The following GLYATL2 variants were observed in gnomAD, a reference collection of about 807,000 sequenced individuals.
The protein encoded by GLYATL2 is glycine-N-acyltransferase like 2.
GLYATL2 carries 25 observed loss-of-function variants against 21.4 expected under a neutral mutation model. The ratio of observed to expected loss-of-function variants is 1.17; its 90% CI spans 0.85 to 1.63. The LOEUF is 1.63. Among genes scored for constraint, GLYATL2 ranks in the 40% most tolerant of loss-of-function variants. The pLI is 0.00. For synonymous variants in GLYATL2, 114 were observed against 118.2 expected, an observed-to-expected ratio of 0.96 and a Z score of 0.23; for missense variants, 361 against 343.3, an observed-to-expected ratio of 1.05 and a Z score of -0.41.
chr11:58,869,616 A>T (rs1854082172), intron 1 of GLYATL2, among the ~76,000 whole-genome samples: 1 of 152,228 alleles, frequency 6.6e-6, no homozygotes, highest in African/African-American at 2.4e-5. Flanking sequence ...AGATGTGTTT[A>T]TGTGTATGCA....
chr11:58,873,547 G>A (rs531524546), intron 1 of GLYATL2, among the ~76,000 whole-genome samples: 87 of 152,244 alleles, frequency 5.7e-4, no homozygotes, highest in African/African-American at 1.9e-3. Context: ...AGATAATCAT[G>A]TGATTTTTGT....
In GLYATL2 at chr11:58,854,190, A is replaced by G. The variant is rs147508143; in HGVS notation, n.61-15822T>C. Among the ~76,000 whole-genome samples the G allele has an allele frequency of 1.8e-4, 27 of 152,260 alleles. No individual in the cohort carries two copies. In the East Asian group the frequency reaches 4.4e-3, roughly 25 times the overall value. ...ATTGTGCATATATACCACATTTTTA[A>G]TGTTCATTAATCTGTTGATAGACAC... On this transcript the variant is annotated intron_variant and non_coding_transcript_variant, in intron 1 of 4. Coordinates refer to the GLYATL2 transcript ENST00000533636.
chr11:58,900,749 C>G (rs578015279), intron 1 of GLYATL2, among the ~76,000 whole-genome samples: 1 of 152,246 alleles, frequency 6.6e-6, no homozygotes, highest in Non-Finnish European at 1.5e-5. Context: ...CACGCCCATC[C>G]CTCCATTTAG....
chr11:58,836,063 TC>T (rs1853425551), intron 5 of GLYATL2, among the ~76,000 whole-genome samples: 1 of 152,196 alleles, frequency 6.6e-6, no homozygotes, highest in African/African-American at 2.4e-5. Context: ...AAATCTCTCT[TC>T]TTTCTCTGAT....
At position 58,834,715 on chromosome 11, in the gene GLYATL2, A is replaced by T; in HGVS notation, c.599T>A (p.Leu200Gln). 1 of 1,613,746 alleles carries T rather than the reference A, an allele frequency of 6.2e-7. No homozygotes were observed. The highest frequency in any genetic ancestry group is 8.5e-7 in the Non-Finnish European group (1 of 1,179,998). The change falls in exon 6 of 6, where the codon CTA (leucine) becomes CAA (glutamine). Residue 200 changes from leucine to glutamine, a missense_variant. Coordinates refer to ENST00000287275, the MANE Select transcript of GLYATL2 (RefSeq NM_145016.4). ...KYIERCLQDF[L>Q]GFGVLGPEGQ... ...CTCTGGACCCAGCACACCAAATCCTAGAAAATCCTGGAGGCAGCGTTCAAT... is the reference window on the plus strand; with the variant it reads ...CTCTGGACCCAGCACACCAAATCCTTGAAAATCCTGGAGGCAGCGTTCAAT...
At chr11:58,892,547 T>G in intron 1 of GLYATL2, 1 of 206,852 alleles carries the variant, frequency 4.8e-6, no homozygotes, top group Non-Finnish European at 1.1e-5. Flanking sequence ...CTCCATCTGA[T>G]TGTGGTGTAA....
upstream of GLYATL2, among the ~76,000 whole-genome samples, chr11:58,848,344 A>C (rs1418721914): frequency 2.0e-5 from 3 of 152,124 alleles, no homozygotes; most frequent in South Asian, 2.1e-4. Flanking sequence ...GACCTCACCA[A>C]ATCAACTTAA....
chr11:58,846,438 T>TA, upstream of GLYATL2, among the ~76,000 whole-genome samples: 1 of 152,166 alleles, frequency 6.6e-6, no homozygotes, highest in East Asian at 1.9e-4. Context: ...GAAGAGACAG[T>TA]AAAAAACAGT....
At chr11:58,889,285 G>A (rs1212618851) in intron 1 of GLYATL2, among the ~76,000 whole-genome samples, 1 of 151,334 alleles carries the variant, frequency 6.6e-6, no homozygotes, top group Admixed American at 6.6e-5. Context: ...ATTTGTTTTT[G>A]TGTTTTTTCA....
intron 1 of GLYATL2, among the ~76,000 whole-genome samples, chr11:58,860,651 G>A (rs542649056): frequency 1.3e-3 from 192 of 152,142 alleles, no homozygotes; most frequent in African/African-American, 3.9e-3. Flanking sequence ...AATAGAAGTC[G>A]TGAGGGTGAG....
chr11:58,883,240 G>A (rs1854373799), intron 1 of GLYATL2, among the ~76,000 whole-genome samples: 1 of 152,026 alleles, frequency 6.6e-6, no homozygotes, highest in African/African-American at 2.4e-5. Flanking sequence ...TTGAGCAGTG[G>A]TTTGTAGTTC....
intron 1 of GLYATL2, among the ~76,000 whole-genome samples, chr11:58,876,973 C>G (rs566562103): frequency 6.6e-6 from 1 of 152,370 alleles, no homozygotes; most frequent in African/African-American, 2.4e-5. Flanking sequence ...TTTACCTACT[C>G]AAGTCTGAGC....
chr11:58,858,244 A>G (rs1043790546), intron 1 of GLYATL2, among the ~76,000 whole-genome samples: 3 of 152,134 alleles, frequency 2.0e-5, no homozygotes, highest in African/African-American at 7.2e-5. Flanking sequence ...CCTAATGAGC[A>G]TGGTTCTGAC....
At chr11:58,839,437 A>T in intron 2 of GLYATL2, 98 bp downstream of exon 2, 1 of 646,420 alleles carries the variant, frequency 1.5e-6, no homozygotes, top group Non-Finnish European at 2.7e-6. Context: ...CTCACTTTAG[A>T]CTTGCATTCC....
chr11:58,868,191 C>T (rs993651503), intron 1 of GLYATL2, among the ~76,000 whole-genome samples: 3 of 148,948 alleles, frequency 2.0e-5, no homozygotes, highest in African/African-American at 7.3e-5. Context: ...GAATTGAAAC[C>T]TCCCCTGTAG....
intron 1 of GLYATL2, among the ~76,000 whole-genome samples, chr11:58,874,261 T>C (rs2134605722): frequency 6.6e-6 from 1 of 152,344 alleles, no homozygotes; most frequent in South Asian, 2.1e-4. Context: ...CAGTGATTTT[T>C]TGAAGGCTTT....
At chr11:58,887,335 T>C (rs1021151822) in intron 1 of GLYATL2, among the ~76,000 whole-genome samples, 4 of 152,322 alleles carry the variant, frequency 2.6e-5, no homozygotes, top group Middle Eastern at 3.4e-3. Context: ...ACCACGTTTC[T>C]TTCAGTATTG....
intron 3 of GLYATL2, 33 bp from the exon 4 acceptor site, chr11:58,837,430 G>A (rs1853458137): frequency 3.1e-6 from 5 of 1,596,516 alleles, no homozygotes; most frequent in Non-Finnish European, 4.3e-6. Flanking sequence ...TATTTACATA[G>A]CGCTACAATT....
chr11:58,843,300 A>G (rs544007266), intron 1 of GLYATL2, among the ~76,000 whole-genome samples: 31 of 152,318 alleles, frequency 2.0e-4, no homozygotes, highest in African/African-American at 7.0e-4. Flanking sequence ...AAGTGTCGAG[A>G]AAAAGAAGTA....
Sources: allele counts gnomAD v4.1 joint callset (sites outside exome capture counted in the v4.1 genomes callset), GRCh38; gene constraint gnomAD v4.1.1; transcripts MANE v1.5; gene names NCBI Gene and HGNC (gene_info 2026-07-23, HGNC 2026-07-21).